PBX4: variants seen among roughly 807,000 people sequenced by gnomAD.
PBX4 encodes PBX homeobox 4, also known as pre-B-cell leukemia transcription factor 4.
In PBX4, 26 loss-of-function variants were observed where a neutral mutation model predicts 35.1. The observed-to-expected ratio is 0.74, with a 90% CI of 0.54 to 1.03. The LOEUF is 1.03. Among genes scored for constraint, PBX4 ranks in the 50% least tolerant of loss-of-function variants. The probability of loss-of-function intolerance (pLI) is 0.00; values close to 1 mark genes in which losing one functional copy is unlikely to be tolerated. For missense variants in PBX4, 448 were observed against 504.3 expected (o/e 0.89, Z 1.07); for synonymous variants, 199 against 204.2 (o/e 0.97, Z 0.22).
chr19:19,572,692 C>A (rs916753142), intron 2 of PBX4, among the ~76,000 whole-genome samples: 8 of 150,684 alleles, frequency 5.3e-5, no homozygotes, highest in African/African-American at 2.0e-4. Flanking sequence ...TGGAGAAACG[C>A]CATCTCTACT....
chr19:19,607,207 C>G (rs1316418976), intron 1 of PBX4, among the ~76,000 whole-genome samples: 1 of 152,032 alleles, frequency 6.6e-6, no homozygotes, highest in Non-Finnish European at 1.5e-5. Flanking sequence ...GTATACGCCA[C>G]CACTCCTGGC....
chr19:19,600,847 A>C (rs1015497906), intron 1 of PBX4, among the ~76,000 whole-genome samples: 6 of 152,066 alleles, frequency 3.9e-5, no homozygotes, highest in African/African-American at 1.4e-4. Flanking sequence ...AAGAAAAAAA[A>C]AGAACTATGA....
intron 5 of PBX4, 77 bp from the exon 6 acceptor site, chr19:19,565,166 G>T: frequency 6.4e-7 from 1 of 1,574,736 alleles, no homozygotes. Flanking sequence ...GGTTCCCTGG[G>T]GTGCCCGTTG....
intron 5 of PBX4, among the ~76,000 whole-genome samples, chr19:19,565,563 T>C (rs2061336663): frequency 6.6e-6 from 1 of 152,336 alleles, no homozygotes; most frequent in South Asian, 2.1e-4. Flanking sequence ...AGTTGGAATG[T>C]ACCAGGTGCT....
chr19:19,577,366 T>C (rs1355426530), intron 2 of PBX4, among the ~76,000 whole-genome samples: 1 of 152,172 alleles, frequency 6.6e-6, no homozygotes, highest in Non-Finnish European at 1.5e-5. Context: ...GTACCTGGAA[T>C]TTATCCTACA....
At chr19:19,566,204 G>A (rs1441884347) in intron 5 of PBX4, among the ~76,000 whole-genome samples, 1 of 152,170 alleles carries the variant, frequency 6.6e-6, no homozygotes, top group Non-Finnish European at 1.5e-5. Flanking sequence ...AGTCCCCCAG[G>A]GAGGGGCTTG....
chr19:19,576,297 C>T (rs1036150243), intron 2 of PBX4, among the ~76,000 whole-genome samples: 50 of 152,278 alleles, frequency 3.3e-4, no homozygotes, highest in African/African-American at 1.1e-3. Flanking sequence ...ACGATCTCGG[C>T]TCACTGCAAC....
chr19:19,569,557 C>T lies in PBX4; in HGVS notation c.660G>A (p.Gln220=). The change falls in exon 5 of 8, where the codon CAG becomes CAA. Residue 220 remains glutamine (Q), a synonymous_variant. Coordinates refer to ENST00000251203, the MANE Select transcript of PBX4 (RefSeq NM_025245.3). The part of the protein sequence containing the change: ...ARRKRRNFSK[Q]ATEVLNEYFY... ...AATACTCATTCAGCACTTCCGTCGCCTGCTTGCTGAAATTCCGCCGCTTGC... is the reference window on the plus strand; with the variant it reads ...AATACTCATTCAGCACTTCCGTCGCTTGCTTGCTGAAATTCCGCCGCTTGC... 1 of 1,613,714 alleles carries T rather than the reference C, an allele frequency of 6.2e-7. No homozygotes were observed. The highest frequency in any genetic ancestry group is 8.5e-7 in the Non-Finnish European group (1 of 1,179,808).
rs1014338177 is a variant in PBX4 at position 19,618,664 on chromosome 19, C to A, written c.-35G>T. 6 of 1,194,474 alleles carry A rather than the reference C, an allele frequency of 5.0e-6. No individual in the cohort carries two copies. Among genetic ancestry groups the A allele is most frequent in the African/African-American group, 3.2e-5 (2 of 62,580 alleles). The allele number at this position is 1,194,474 out of a possible 1,614,324, so 74.0% of individuals were successfully genotyped here. A position where few individuals can be genotyped will look rare whatever the true frequency, so the allele number is the denominator to read the frequency against. On this transcript the variant is annotated 5_prime_UTR_variant, in exon 1 of 8. Coordinates refer to ENST00000251203, the MANE Select transcript of PBX4 (RefSeq NM_025245.3). ...GGCCGGGCGGGCGCTGTGAGGGTGC[C>A]GTCGAGCCTGGAGCACTACCACTGG...
At chr19:19,607,334 G>A (rs1353762070) in intron 1 of PBX4, among the ~76,000 whole-genome samples, 2 of 152,000 alleles carry the variant, frequency 1.3e-5, no homozygotes, top group African/African-American at 4.8e-5. Context: ...GATTATAGGC[G>A]TCAGCCACTG....
chr19:19,562,791 G>T lies in PBX4; in HGVS notation c.1033-674C>A, dbSNP rs907671631. On this transcript the variant is annotated intron_variant, in intron 7 of 7. Transcript: ENST00000251203. This position sits in a 1 kb window ranked among gnomAD's most constrained non-coding sequence, Gnocchi z 4.8. ...CACACAGCTGCTGGCGCGTAGTCAG[G>T]TCCCAGGGGTGCAAAGGGCAAGGTG... 3.3e-5 allele frequency among the ~76,000 whole-genome samples: 5 copies of T among 152,180 alleles called. No homozygotes were observed. The highest frequency in any genetic ancestry group is 7.4e-5 in the Non-Finnish European group (5 of 68,026).
In PBX4 at chr19:19,569,525, G is replaced by T. The variant is rs2061366948; in HGVS notation, c.692C>A (p.Ser231Tyr). ...ATEVLNEYFY[S>Y]HLNNPYPSEE... ...GCTGGGGTAAGGGTTGTTCAGATGG[G>T]AGTAAAAATACTCATTCAGCACTTC... Residue 231 changes from serine (S) to tyrosine (Y), a missense_variant, in exon 5 of 8, where the codon TCC becomes TAC. Transcript: ENST00000251203. The T allele has an allele frequency of 1.2e-6, 2 of 1,613,926 alleles. No individual in the cohort carries two copies. The highest frequency in any genetic ancestry group is 2.7e-5 in the African/African-American group (2 of 75,052).
chr19:19,605,449 C>CAAT (rs36012398), intron 1 of PBX4, among the ~76,000 whole-genome samples: 26,801 of 90,246 alleles, frequency 0.3, 3,088 homozygotes, highest in East Asian at 0.39. Context: ...ATAATAATAA[C>CAAT]AATAATAATA....
intron 5 of PBX4, among the ~76,000 whole-genome samples, chr19:19,566,190 C>T (rs1391180699): frequency 6.6e-6 from 1 of 152,182 alleles, no homozygotes; most frequent in Non-Finnish European, 1.5e-5. Context: ...CAAACTGGCA[C>T]TGGAGTCCCC....
intron 2 of PBX4, among the ~76,000 whole-genome samples, chr19:19,575,750 C>A (rs1196545738): frequency 1.3e-5 from 2 of 152,216 alleles, no homozygotes; most frequent in Non-Finnish European, 2.9e-5. Context: ...GCCTTTGGAA[C>A]TGTTCCCTCG....
In PBX4 at chr19:19,578,562, C is replaced by T. The variant is rs142225811; in HGVS notation, c.194-7729G>A. Among the ~76,000 whole-genome samples, 401 of 152,300 alleles carry T rather than the reference C, an allele frequency of 2.6e-3. 1 individual carries two copies. The highest frequency in any genetic ancestry group is 4.2e-3 in the Non-Finnish European group (288 of 68,024). Reference sequence around the variant, plus strand: ...AGCTTGGTTCAGGGATACCATCTGTCGGAGGCACTGACATGGGGAAACAGA... The same window carrying T: ...AGCTTGGTTCAGGGATACCATCTGTTGGAGGCACTGACATGGGGAAACAGA... On this transcript the variant is annotated intron_variant, in intron 2 of 7. Transcript: ENST00000251203.
chr19:19,571,851 G>A (rs2061385413), intron 2 of PBX4, among the ~76,000 whole-genome samples: 1 of 151,744 alleles, frequency 6.6e-6, no homozygotes, highest in Non-Finnish European at 1.5e-5. Context: ...TGGCCAACAT[G>A]GTGAAACCCC....
chr19:19,618,541 G>T lies in PBX4; in HGVS notation c.89C>A (p.Thr30Asn). 2.0e-6 allele frequency: 3 copies of T among 1,472,030 alleles called. No individual in the cohort carries two copies. Among genetic ancestry groups the T allele is most frequent in the Non-Finnish European group, 2.7e-6 (3 of 1,106,864 alleles). 91.2% of individuals were successfully genotyped at this position (1,472,030 alleles called of 1,614,324 possible). The change falls in exon 1 of 8, where the codon ACC becomes AAC. Residue 30 changes from threonine (T) to asparagine (N), a missense_variant. Thr to Asn is a moderately conservative substitution (Grantham distance 65). Coordinates refer to ENST00000251203, the MANE Select transcript of PBX4 (RefSeq NM_025245.3). Reference protein sequence around the residue: ...SDVLQQIMAITDQSLDEAQAR... With the variant: ...SDVLQQIMAINDQSLDEAQAR... ...CTGTGCCTCGTCCAGGCTCTGGTCGGTGATGGCCATGATCTGCTGCAGGAC... is the reference window on the plus strand; with the variant it reads ...CTGTGCCTCGTCCAGGCTCTGGTCGTTGATGGCCATGATCTGCTGCAGGAC...
At chr19:19,578,818 G>C (rs1421149038) in intron 2 of PBX4, among the ~76,000 whole-genome samples, 2 of 152,184 alleles carry the variant, frequency 1.3e-5, no homozygotes, top group Admixed American at 6.6e-5. Context: ...ACGCTTTTAG[G>C]AGGCAGTTAA....
Sources: allele counts gnomAD v4.1 joint callset (sites outside exome capture counted in the v4.1 genomes callset), GRCh38; gene constraint gnomAD v4.1.1; non-coding constraint Gnocchi (gnomAD v3.1); transcripts MANE v1.5; gene names NCBI Gene and HGNC (gene_info 2026-07-23, HGNC 2026-07-21).